DNAH12: variants seen among roughly 807,000 people sequenced by gnomAD.
DNAH12 encodes dynein axonemal heavy chain 12.
A neutral mutation model predicts 371.5 loss-of-function variants in DNAH12; 285 were observed. The ratio of observed to expected loss-of-function variants is 0.77; its 90% CI spans 0.70 to 0.85. The LOEUF is 0.85. DNAH12 is among the 40% of genes least tolerant of loss of function. The pLI is 0.00. For missense variants in DNAH12, 3,611 were observed against 3,689.4 expected (o/e 0.98, Z 0.55); for synonymous variants, 1,200 against 1,213.0 (o/e 0.99, Z 0.22).
intron 62 of DNAH12, among the ~76,000 whole-genome samples, chr3:57,327,808 G>A (rs555931511): frequency 1.5e-3 from 233 of 152,012 alleles, no homozygotes; most frequent in East Asian, 3.9e-3. Context: ...TTGATAGACC[G>A]CTAGCAAGAC....
At chr3:57,551,294 T>C in the DNAH12 span, among the ~76,000 whole-genome samples, 6 of 151,794 alleles carry the variant, frequency 4.0e-5, no homozygotes, top group Non-Finnish European at 8.8e-5. Context: ...TTTTTTGAGA[T>C]GGAGTCTCGC....
chr3:57,449,927 C>T (rs1185502123), intron 25 of DNAH12, among the ~76,000 whole-genome samples: 1 of 152,196 alleles, frequency 6.6e-6, no homozygotes, highest in Non-Finnish European at 1.5e-5. Context: ...GACTTTTTCT[C>T]AGTGTCTAGT....
At chr3:57,537,575 T>C (rs773369660) in intron 2 of DNAH12, among the ~76,000 whole-genome samples, 3 of 152,096 alleles carry the variant, frequency 2.0e-5, no homozygotes, top group Non-Finnish European at 1.5e-5. Context: ...CAGGTGCAGA[T>C]AGCAAGGGGA....
At chr3:57,372,762 T>C (rs1291073186) in intron 55 of DNAH12, among the ~76,000 whole-genome samples, 1 of 150,710 alleles carries the variant, frequency 6.6e-6, no homozygotes, top group Non-Finnish European at 1.5e-5. Context: ...ATTCAGTTAA[T>C]CCAAATCCAA....
intron 70 of DNAH12, among the ~76,000 whole-genome samples, chr3:57,298,077 G>A (rs1348434509): frequency 3.9e-5 from 6 of 152,124 alleles, no homozygotes; most frequent in Admixed American, 3.9e-4. Context: ...CTATTTGCTG[G>A]TCTCTTTGTG....
intron 59 of DNAH12, among the ~76,000 whole-genome samples, chr3:57,352,990 G>A (rs1243823581): frequency 1.3e-5 from 2 of 152,102 alleles, no homozygotes; most frequent in African/African-American, 4.8e-5. Flanking sequence ...GAGGGAGGCT[G>A]AGGCAGGAGA....
chr3:57,462,749 T>A lies in DNAH12; in HGVS notation c.2476A>T (p.Lys826Ter). The A allele has an allele frequency of 6.4e-7, 1 of 1,551,562 alleles. No individual in the cohort carries two copies. Among genetic ancestry groups the A allele is most frequent in the Non-Finnish European group, 8.7e-7 (1 of 1,146,924 alleles). The change falls in exon 18 of 74, where the codon AAA becomes TAA. Residue 826 changes from lysine to a stop codon, truncating the protein, a stop_gained. Coordinates refer to ENST00000495027, the MANE Select transcript of DNAH12 (RefSeq NM_001366028.2). LOFTEE classifies it high-confidence loss of function. ...TCCAAGTATGGGGTAAGGTTTAATTTTAAAACTTTTCTCAGTGTAGTTCCA... is the reference window on the plus strand; with the variant it reads ...TCCAAGTATGGGGTAAGGTTTAATTATAAAACTTTTCTCAGTGTAGTTCCA... ...DSGTTLRKVLKLNLTPYLEQF... is the reference protein window; with the variant it reads ...DSGTTLRKVL
intron 16 of DNAH12, among the ~76,000 whole-genome samples, chr3:57,470,118 T>G (rs768043788): frequency 9.2e-5 from 14 of 152,102 alleles, no homozygotes; most frequent in Non-Finnish European, 1.9e-4. Context: ...AAATGACAAC[T>G]CATATATTAT....
the DNAH12 span, among the ~76,000 whole-genome samples, chr3:57,553,917 C>G: frequency 6.6e-6 from 1 of 151,072 alleles, no homozygotes; most frequent in Non-Finnish European, 1.5e-5. Flanking sequence ...CTCTGCCTCC[C>G]AGGTTCAAAA....
At chr3:57,383,753 C>T (rs1435187040) in intron 49 of DNAH12, among the ~76,000 whole-genome samples, 2 of 129,852 alleles carry the variant, frequency 1.5e-5, no homozygotes, top group African/African-American at 3.2e-5. Context: ...GAGTGAGACC[C>T]TGTCTTAAAA....
chr3:57,331,376 T>A (rs571547105), intron 62 of DNAH12, among the ~76,000 whole-genome samples: 3 of 152,262 alleles, frequency 2.0e-5, no homozygotes, highest in South Asian at 4.2e-4. Flanking sequence ...GATAAAATAA[T>A]GAATAAACCA....
At chr3:57,459,860 T>C (rs1190756228) in intron 19 of DNAH12, 74 bp from the exon 20 acceptor site, 17 of 1,163,182 alleles carry the variant, frequency 1.5e-5, no homozygotes, top group Non-Finnish European at 1.9e-5. Context: ...GAAAATACAT[T>C]TTAAATTTAC....
chr3:57,360,461 G>C (rs1253962500), intron 58 of DNAH12, among the ~76,000 whole-genome samples: 1 of 152,168 alleles, frequency 6.6e-6, no homozygotes, highest in African/African-American at 2.4e-5. Flanking sequence ...GGCCAAGGCA[G>C]GCGGATCACC....
chr3:57,463,027 G>T (rs1007784241), intron 17 of DNAH12, among the ~76,000 whole-genome samples, 152 bp from the exon 18 acceptor site: 4 of 152,090 alleles, frequency 2.6e-5, no homozygotes, highest in South Asian at 2.1e-4. Context: ...ATTAGATTTG[G>T]AAGGAGAGAG....
At chr3:57,311,342 G>T (rs1201367414) in intron 66 of DNAH12, among the ~76,000 whole-genome samples, 1 of 152,202 alleles carries the variant, frequency 6.6e-6, no homozygotes, top group East Asian at 1.9e-4. Context: ...CTCCCAAAGT[G>T]CTGGGATTAC....
At chr3:57,465,251 AATAT>A (rs2066166499) in intron 17 of DNAH12, among the ~76,000 whole-genome samples, 5 of 152,196 alleles carry the variant, frequency 3.3e-5, no homozygotes, top group Admixed American at 3.3e-4. Flanking sequence ...GTACTTGAAA[AATAT>A]ATATATAGAG....
rs201989682 is a variant in DNAH12, at chr3:57,407,294, A to G, written c.6276+986T>C. Among the ~76,000 whole-genome samples, 86 of 151,738 alleles carry G rather than the reference A, an allele frequency of 5.7e-4. 3 individuals carry two copies. The East Asian group carries it at 0.015, about 27-fold the overall frequency. ...GCTTCAAAGACAGAAAAAAAAAAAAAAAAGCCGGGGGTAGGGAGGTGGCAG... is the reference window on the plus strand; with the variant it reads ...GCTTCAAAGACAGAAAAAAAAAAAAGAAAGCCGGGGGTAGGGAGGTGGCAG... On this transcript the variant is annotated intron_variant, in intron 40 of 73. Transcript: ENST00000495027.
At chr3:57,390,424 A>AAAAAAAATATATAT in intron 45 of DNAH12, among the ~76,000 whole-genome samples, 2 of 33,438 alleles carry the variant, frequency 6.0e-5, no homozygotes, top group African/African-American at 1.3e-4. Flanking sequence ...AAAAAAAAAA[A>AAAAAAAATATATAT]ATATATATAT....
rs1480511828 is a variant in DNAH12, at chr3:57,296,403, T to C, written c.11565A>G (p.Pro3855=). The change falls in exon 72 of 74, where the codon CCA becomes CCG. Residue 3855 remains proline (P), a synonymous_variant. Coordinates refer to ENST00000495027, the MANE Select transcript of DNAH12 (RefSeq NM_001366028.2). ...VIPSDTSDTS[P]EDGVYIHGLY... ...GTCCGTGGATATAAACACCATCTTC[T>C]GGTGATGTGTCAGATGTATCAGATG... 6.4e-7 allele frequency: 1 copy of C among 1,550,916 alleles called. No individual in the cohort carries two copies. Among genetic ancestry groups the C allele is most frequent in the Non-Finnish European group, 8.7e-7 (1 of 1,146,640 alleles).
Sources: gnomAD v4.1 joint callset for allele counts (sites outside exome capture counted in the v4.1 genomes callset) on GRCh38, gnomAD v4.1.1 for gene constraint, MANE v1.5 for transcripts, NCBI Gene and HGNC (gene_info 2026-07-23, HGNC 2026-07-21) for gene names.